AFF3: variants seen among roughly 807,000 people sequenced by gnomAD.
The protein encoded by AFF3 is ALF transcription elongation factor 3.
A neutral mutation model predicts 129.7 loss-of-function variants in AFF3; 32 were observed. That is an observed-to-expected ratio of 0.25 (90% CI 0.19 to 0.33). The LOEUF (loss-of-function observed/expected upper bound fraction) is 0.33, where lower values mean the gene tolerates loss of function less well. Among genes scored for constraint, AFF3 ranks in the 10% least tolerant of loss-of-function variants. AFF3 has a pLI of 1.00. For synonymous variants in AFF3, 644 were observed against 635.4 expected (o/e 1.01, Z -0.20); for missense variants, 1,373 against 1,592.0 (o/e 0.86, Z 2.34).
intron 4 of AFF3, among the ~76,000 whole-genome samples, chr2:100,029,412 G>C (rs1490395047): frequency 6.6e-6 from 1 of 152,186 alleles, no homozygotes; most frequent in East Asian, 1.9e-4. Context: ...CTTGATCATG[G>C]AATTCCAGCC....
At position 99,638,085 on chromosome 2, in the gene AFF3, T is replaced by TG. The variant is rs386390726; in HGVS notation, c.1184+11540_1184+11541insC. 7.9e-5 allele frequency among the ~76,000 whole-genome samples: 12 copies of TG among 151,982 alleles called. 1 individual carries two copies. The highest frequency in any genetic ancestry group is 5.2e-4 in the Admixed American group (8 of 15,248). On this transcript the variant is annotated intron_variant, in intron 13 of 24. Coordinates refer to ENST00000672756, the MANE Select transcript of AFF3 (RefSeq NM_001386135.1). ...CAACGGGCCAGAACCAGTATTTTTT[T>TG]TTTTTTGAGATGGAGTCTTGCTCTG...
At chr2:99,955,243 A>C (rs1676528826) in intron 7 of AFF3, among the ~76,000 whole-genome samples, 1 of 152,232 alleles carries the variant, frequency 6.6e-6, no homozygotes, top group Non-Finnish European at 1.5e-5. Flanking sequence ...ACTATCAAAA[A>C]TAATTGACCT....
At chr2:99,851,063 A>G (rs1208668154) in intron 7 of AFF3, among the ~76,000 whole-genome samples, 1 of 152,240 alleles carries the variant, frequency 6.6e-6, no homozygotes, top group Admixed American at 6.5e-5. Context: ...GATAATTAAG[A>G]TTCATTTGCT....
intron 7 of AFF3, among the ~76,000 whole-genome samples, chr2:99,856,618 A>ACTACTATT (rs1342951152): frequency 7.8e-4 from 118 of 152,184 alleles, no homozygotes; most frequent in Non-Finnish European, 1.5e-4. Flanking sequence ...GAACCAAATA[A>ACTACTATT]CTACTATTCA....
chr2:99,634,242 A>T (rs1683409203), intron 13 of AFF3, among the ~76,000 whole-genome samples: 1 of 152,180 alleles, frequency 6.6e-6, no homozygotes, highest in Non-Finnish European at 1.5e-5. Context: ...AGTCTCAGGT[A>T]TCCCTTTATA....
rs1678934192 is a variant in AFF3, at chr2:99,593,411, CCGG to C, written c.2247_2249del (p.Arg750del). ...CCTTTAGAGGGGAGAGAAGTTCGTT[CCGG>C]CCAAAGGGGACCAGTGTGTAGAACT... On this transcript the variant is annotated inframe_deletion, in exon 15 of 25. Transcript: ENST00000672756. 6.2e-7 allele frequency: 1 copy of C among 1,613,780 alleles called. No homozygotes were observed. Among genetic ancestry groups the C allele is most frequent in the African/African-American group, 1.3e-5 (1 of 74,810 alleles).
At chr2:99,825,525 C>A (rs563452555) in intron 8 of AFF3, among the ~76,000 whole-genome samples, 6 of 152,294 alleles carry the variant, frequency 3.9e-5, no homozygotes, top group Admixed American at 1.3e-4. Context: ...GTTCCAAGAA[C>A]TGCTTTACAC....
At chr2:100,019,878 G>A (rs768291329) in intron 4 of AFF3, among the ~76,000 whole-genome samples, 3 of 152,036 alleles carry the variant, frequency 2.0e-5, no homozygotes, top group Non-Finnish European at 4.4e-5. Context: ...GGGCTCTGAG[G>A]CCTATCCCCC....
At chr2:99,961,903 C>A (rs1034002440) in intron 7 of AFF3, among the ~76,000 whole-genome samples, 15 of 152,146 alleles carry the variant, frequency 9.9e-5, no homozygotes, top group African/African-American at 3.1e-4. Context: ...AGATCAATCA[C>A]CCCACTGAAA....
intron 12 of AFF3, among the ~76,000 whole-genome samples, chr2:99,654,032 A>C (rs1007363393): frequency 6.6e-6 from 1 of 152,118 alleles, no homozygotes; most frequent in African/African-American, 2.4e-5. Flanking sequence ...GGCATGCGCC[A>C]CCAAACCCAG....
intron 11 of AFF3, among the ~76,000 whole-genome samples, chr2:99,694,526 G>A (rs1675993993): frequency 6.6e-6 from 1 of 152,140 alleles, no homozygotes; most frequent in African/African-American, 2.4e-5. Context: ...ACTAATCAGT[G>A]TGACATTTTT....
intron 9 of AFF3, among the ~76,000 whole-genome samples, chr2:99,747,835 C>T (rs952366854): frequency 6.6e-6 from 1 of 151,976 alleles, no homozygotes; most frequent in Non-Finnish European, 1.5e-5. Context: ...CTTGGTGGTA[C>T]ATTGAAACAA....
intron 13 of AFF3, among the ~76,000 whole-genome samples, chr2:99,607,596 C>T (rs1680499722): frequency 6.6e-6 from 1 of 152,142 alleles, no homozygotes; most frequent in Non-Finnish European, 1.5e-5. Context: ...AAGGGTGCTC[C>T]TGCCTGCCAA....
At chr2:100,052,238 C>T (rs1686395182) in intron 4 of AFF3, among the ~76,000 whole-genome samples, 1 of 152,162 alleles carries the variant, frequency 6.6e-6, no homozygotes, top group Admixed American at 6.5e-5. Flanking sequence ...TTTAAAATTG[C>T]AGCATTAAAA....
chr2:99,895,851 C>T (rs1461225847), intron 7 of AFF3, among the ~76,000 whole-genome samples: 3 of 151,988 alleles, frequency 2.0e-5, no homozygotes, highest in African/African-American at 7.2e-5. Flanking sequence ...GGTGGATCAC[C>T]TGAGGTCAGG....
At position 99,554,439 on chromosome 2, in the gene AFF3, G is replaced by A. The variant is rs1474730899; in HGVS notation, c.3431C>T (p.Pro1144Leu). Residue 1144 changes from proline to leucine, a missense_variant, in exon 24 of 25, where the codon CCG (proline) becomes CTG (leucine). By Grantham distance (98) the Pro-to-Leu change is moderately conservative. Coordinates refer to ENST00000672756, the MANE Select transcript of AFF3 (RefSeq NM_001386135.1). ...GSLSNASALSPSTIVSIPQRI... is the reference protein window; with the variant it reads ...GSLSNASALSLSTIVSIPQRI... Reference sequence around the variant, plus strand: ...CTGTGGGATGCTGACGATGGTCGACGGGGACAGGGCGCTGGCGTTGGAGAG... The same window carrying A: ...CTGTGGGATGCTGACGATGGTCGACAGGGACAGGGCGCTGGCGTTGGAGAG... The A allele has an allele frequency of 8.1e-6, 13 of 1,614,018 alleles. No homozygotes were observed. Among genetic ancestry groups the A allele is most frequent in the East Asian group, 2.2e-5 (1 of 44,882 alleles).
chr2:100,034,471 A>T (rs1294484359), intron 4 of AFF3, among the ~76,000 whole-genome samples: 1 of 152,180 alleles, frequency 6.6e-6, no homozygotes, highest in Non-Finnish European at 1.5e-5. Context: ...AGAATTTTAA[A>T]AACTCATTAG....
chr2:100,067,473 GA>G (rs1236011379), intron 4 of AFF3, among the ~76,000 whole-genome samples: 1 of 152,152 alleles, frequency 6.6e-6, no homozygotes, highest in Non-Finnish European at 1.5e-5. Flanking sequence ...TCTGTTCCCT[GA>G]AAGGTCAGAA....
chr2:99,685,328 A>G (rs930258746), intron 11 of AFF3, among the ~76,000 whole-genome samples: 1 of 152,190 alleles, frequency 6.6e-6, no homozygotes, highest in African/African-American at 2.4e-5. Flanking sequence ...GGCTTTTGCA[A>G]TGAGAAACCT....
Sources: gnomAD v4.1 joint callset for allele counts (sites outside exome capture counted in the v4.1 genomes callset) on GRCh38, gnomAD v4.1.1 for gene constraint, MANE v1.5 for transcripts, NCBI Gene and HGNC (gene_info 2026-07-23, HGNC 2026-07-21) for gene names.